ELF1: variants seen among roughly 807,000 people sequenced by gnomAD.
The protein encoded by ELF1 is ETS-related transcription factor Elf-1.
A neutral mutation model predicts 59.9 loss-of-function variants in ELF1; 24 were observed. That is an observed-to-expected ratio of 0.40 (90% confidence interval 0.29 to 0.56). ELF1 has a LOEUF of 0.56. ELF1 is among the 20% of genes least tolerant of loss of function. ELF1 has a pLI of 0.44. For synonymous variants in ELF1, 248 were observed against 266.2 expected (o/e 0.93, Z 0.67); for missense variants, 627 against 742.2 (o/e 0.84, Z 1.80).
At chr13:41,017,405 A>G (rs933923341) in intron 1 of ELF1, among the ~76,000 whole-genome samples, 4 of 152,172 alleles carry the variant, frequency 2.6e-5, no homozygotes, top group African/African-American at 9.7e-5. Flanking sequence ...TCATCTATAA[A>G]AGTGAGGCAG....
At position 40,932,409 on chromosome 13, in the gene ELF1, C is replaced by T. The variant is rs1869470533; in HGVS notation, c.*1016G>A. The T allele has an allele frequency of 7.0e-6, 1 of 143,282 alleles. No individual in the cohort carries two copies. Among genetic ancestry groups the T allele is most frequent in the African/African-American group, 2.6e-5 (1 of 38,492 alleles). The allele number at this position is 143,282 out of a possible 1,614,324, so 8.9% of individuals were successfully genotyped here. A position where few individuals can be genotyped will look rare whatever the true frequency, so the allele number is the denominator to read the frequency against. Reference sequence around the variant, plus strand: ...ATAACTGACTACTCAGCCAGATTAGCCCAAGGCTCAAGTTGCTTTCTTGGC... The same window carrying T: ...ATAACTGACTACTCAGCCAGATTAGTCCAAGGCTCAAGTTGCTTTCTTGGC... On this transcript the variant is annotated 3_prime_UTR_variant, in exon 9 of 9. Coordinates refer to ENST00000239882, the MANE Select transcript of ELF1 (RefSeq NM_172373.4).
At chr13:40,960,664 C>G (rs1289115587) in intron 2 of ELF1, among the ~76,000 whole-genome samples, 1 of 152,142 alleles carries the variant, frequency 6.6e-6, no homozygotes, top group Non-Finnish European at 1.5e-5. Context: ...ACTCGAACTC[C>G]TGGGTTCAAG....
At chr13:40,936,775 A>G (rs1458065461) in intron 8 of ELF1, among the ~76,000 whole-genome samples, 4 of 149,490 alleles carry the variant, frequency 2.7e-5, no homozygotes, top group African/African-American at 9.9e-5. Flanking sequence ...AAAAAAAAAA[A>G]AAGAAAAAAA....
At chr13:40,990,627 G>T (rs1170180985) in intron 1 of ELF1, among the ~76,000 whole-genome samples, 1 of 151,990 alleles carries the variant, frequency 6.6e-6, no homozygotes, top group African/African-American at 2.4e-5. Flanking sequence ...GGCTGAGGTA[G>T]GTGGAATGCC....
At chr13:40,988,053 C>T (rs1404602260) in intron 1 of ELF1, among the ~76,000 whole-genome samples, 1 of 152,122 alleles carries the variant, frequency 6.6e-6, no homozygotes, top group Non-Finnish European at 1.5e-5. Context: ...GACTGAATTC[C>T]TGTGTGATTG....
At chr13:41,045,729 T>C (rs952414034) in intron 1 of ELF1, among the ~76,000 whole-genome samples, 1 of 152,184 alleles carries the variant, frequency 6.6e-6, no homozygotes, top group Non-Finnish European at 1.5e-5. Flanking sequence ...ATAAGTGCGA[T>C]ATGGTGCTGA....
intron 2 of ELF1, among the ~76,000 whole-genome samples, chr13:40,972,143 A>T (rs1872583154): frequency 6.6e-6 from 1 of 152,200 alleles, no homozygotes; most frequent in Non-Finnish European, 1.5e-5. Flanking sequence ...TTTGACAAGA[A>T]TCTTATACAA....
intron 4 of ELF1, 97 bp from the exon 5 acceptor site, chr13:40,950,070 A>G: frequency 8.9e-7 from 1 of 1,123,390 alleles, no homozygotes; most frequent in Non-Finnish European, 1.2e-6. Context: ...CTAGAAGATT[A>G]AAGTAGAAAT....
At chr13:41,016,975 T>C (rs1447005035) in intron 1 of ELF1, among the ~76,000 whole-genome samples, 1 of 110,820 alleles carries the variant, frequency 9.0e-6, no homozygotes, top group African/African-American at 3.5e-5. Flanking sequence ...TATATATATA[T>C]ATATATGAGC....
At chr13:40,996,088 T>C (rs1271029846) in intron 1 of ELF1, among the ~76,000 whole-genome samples, 1 of 152,164 alleles carries the variant, frequency 6.6e-6, no homozygotes, top group Non-Finnish European at 1.5e-5. Flanking sequence ...CATATGTCAC[T>C]GGGGAAATGC....
At chr13:41,031,902 G>A (rs1876180071) in intron 1 of ELF1, among the ~76,000 whole-genome samples, 1 of 148,624 alleles carries the variant, frequency 6.7e-6, no homozygotes, top group African/African-American at 2.5e-5. Flanking sequence ...CAGATACCCA[G>A]AATAACATAG....
intron 2 of ELF1, among the ~76,000 whole-genome samples, chr13:40,959,827 G>A (rs1220556447): frequency 6.6e-6 from 1 of 152,146 alleles, no homozygotes; most frequent in African/African-American, 2.4e-5. Context: ...ACAATTTAAT[G>A]TAAGTCAGCT....
rs371682880 is a variant in ELF1 at position 40,974,030 on chromosome 13, T to C, written c.72+7953A>G. On this transcript the variant is annotated intron_variant, in intron 2 of 8. Transcript: ENST00000239882. Reference sequence around the variant, plus strand: ...AGGAGCTAGGAAGAGTGGGGAAGAATAGGTCATGACTGCTAACAGGTACAG... The same window carrying C: ...AGGAGCTAGGAAGAGTGGGGAAGAACAGGTCATGACTGCTAACAGGTACAG... Among the ~76,000 whole-genome samples, 9 of 152,302 alleles carry C rather than the reference T, an allele frequency of 5.9e-5. No homozygotes were observed. In the East Asian group the frequency reaches 1.2e-3, roughly 20 times the overall value.
chr13:41,052,952 C>T (rs1448612582), intron 1 of ELF1, among the ~76,000 whole-genome samples: 2 of 152,144 alleles, frequency 1.3e-5, no homozygotes, highest in African/African-American at 2.4e-5. Context: ...TGAAAAGTTA[C>T]CCACAACTCC....
intron 1 of ELF1, among the ~76,000 whole-genome samples, chr13:41,005,638 C>G (rs771043265): frequency 6.6e-6 from 1 of 152,062 alleles, no homozygotes; most frequent in Non-Finnish European, 1.5e-5. Flanking sequence ...TTCTCACTTC[C>G]TGTATATCCC....
chr13:40,955,615 C>T (rs1297653525), intron 3 of ELF1, among the ~76,000 whole-genome samples: 2 of 81,422 alleles, frequency 2.5e-5, no homozygotes, highest in Non-Finnish European at 5.6e-5. Context: ...TGCCTGGCCG[C>T]CCCTACTGGG....
chr13:41,058,767 G>A (rs1328065770), intron 1 of ELF1, among the ~76,000 whole-genome samples: 1 of 152,186 alleles, frequency 6.6e-6, no homozygotes, highest in Non-Finnish European at 1.5e-5. Flanking sequence ...GAGGTCAGGG[G>A]TTCGAGACCA....
At chr13:41,046,197 C>T (rs574597846) in intron 1 of ELF1, among the ~76,000 whole-genome samples, 8 of 152,234 alleles carry the variant, frequency 5.3e-5, no homozygotes, top group Admixed American at 2.0e-4. Context: ...TGAGATGGGT[C>T]TCCTGAATAC....
chr13:41,054,533 G>A (rs1403346618), intron 1 of ELF1, among the ~76,000 whole-genome samples: 1 of 152,114 alleles, frequency 6.6e-6, no homozygotes, highest in Non-Finnish European at 1.5e-5. Flanking sequence ...AGTAAAAACT[G>A]CCAGTCCGCT....
Sources: allele counts gnomAD v4.1 joint callset (sites outside exome capture counted in the v4.1 genomes callset), GRCh38; gene constraint gnomAD v4.1.1; transcripts MANE v1.5; gene names NCBI Gene and HGNC (gene_info 2026-07-23, HGNC 2026-07-21).